Variants in GPC6 observed in about 807,000 individuals in gnomAD.
GPC6 encodes the protein glypican-6.
A neutral mutation model predicts 55.2 loss-of-function variants in GPC6; 14 were observed. The observed-to-expected ratio is 0.25, with a 90% CI of 0.17 to 0.40. The LOEUF (loss-of-function observed/expected upper bound fraction) is 0.40, where lower values mean the gene tolerates loss of function less well. Ranked by LOEUF, GPC6 falls within the 10% of genes least tolerant of loss-of-function variation. GPC6 has a pLI of 1.00. For synonymous variants in GPC6, 278 were observed against 259.6 expected, an observed-to-expected ratio of 1.07 and a Z score of -0.68; for missense variants, 641 against 708.5, an observed-to-expected ratio of 0.90 and a Z score of 1.08.
intron 1 of GPC6, among the ~76,000 whole-genome samples, chr13:93,326,139 T>C (rs1274374588): frequency 6.6e-6 from 1 of 152,002 alleles, no homozygotes; most frequent in Non-Finnish European, 1.5e-5. Context: ...GTGTGTATAG[T>C]TGAGGGGTGG....
intron 4 of GPC6, among the ~76,000 whole-genome samples, chr13:94,228,000 C>A (rs1890610533): frequency 6.6e-6 from 1 of 152,140 alleles, no homozygotes; most frequent in South Asian, 2.1e-4. Context: ...GTGAAGGGAA[C>A]CAGAAATATT....
intron 1 of GPC6, among the ~76,000 whole-genome samples, chr13:93,300,500 T>C (rs1371149862): frequency 1.3e-5 from 2 of 151,656 alleles, no homozygotes; most frequent in African/African-American, 4.8e-5. Context: ...TACAAAAAAT[T>C]AGCCGGGCGT....
At chr13:93,595,545 C>T (rs1223939922) in intron 2 of GPC6, among the ~76,000 whole-genome samples, 4 of 152,140 alleles carry the variant, frequency 2.6e-5, no homozygotes, top group Admixed American at 6.5e-5. Flanking sequence ...GAAGTTTGTA[C>T]TGAATAACTA....
At chr13:93,985,372 G>A (rs935190426) in intron 3 of GPC6, among the ~76,000 whole-genome samples, 1 of 151,336 alleles carries the variant, frequency 6.6e-6, no homozygotes, top group Non-Finnish European at 1.5e-5. Flanking sequence ...AGGAGGTAGA[G>A]GTTGCAGTGA....
intron 4 of GPC6, among the ~76,000 whole-genome samples, chr13:94,219,740 G>A (rs1012311855): frequency 6.6e-6 from 1 of 152,108 alleles, no homozygotes; most frequent in Non-Finnish European, 1.5e-5. Context: ...TTGGGGTCTC[G>A]TTTCGGAAGG....
chr13:94,146,048 T>G (rs572122720), intron 4 of GPC6, among the ~76,000 whole-genome samples: 1 of 152,320 alleles, frequency 6.6e-6, no homozygotes, highest in Non-Finnish European at 1.5e-5. Flanking sequence ...CCAATGACAT[T>G]CATTCAAAAC....
rs1262882126 is a variant in GPC6 at position 93,828,532 on chromosome 13, CCTAT to C, written c.320-1619_320-1616del. Reference sequence around the variant, plus strand: ...TGCTTCTCAATTTTGCAAATTTCGCCCTATCTGCTTCAATAGTCATTTTCTTTAC... The same window carrying C: ...TGCTTCTCAATTTTGCAAATTTCGCCCTGCTTCAATAGTCATTTTCTTTAC... On this transcript the variant is annotated intron_variant, in intron 2 of 8. Coordinates refer to ENST00000377047, the MANE Select transcript of GPC6 (RefSeq NM_005708.5). 2.6e-5 allele frequency among the ~76,000 whole-genome samples: 4 copies of C among 151,896 alleles called. No homozygotes were observed. The East Asian group carries it at 7.7e-4, about 29-fold the overall frequency.
chr13:93,674,770 T>C (rs2149225), intron 2 of GPC6, among the ~76,000 whole-genome samples: 147,712 of 152,242 alleles, frequency 0.97, 71,705 homozygotes, highest in African/African-American at 0.99. Flanking sequence ...CAAGGTGTTT[T>C]AGCTGTGCCT....
At chr13:93,706,771 T>C (rs1882860865) in intron 2 of GPC6, among the ~76,000 whole-genome samples, 1 of 151,810 alleles carries the variant, frequency 6.6e-6, no homozygotes, top group South Asian at 2.1e-4. Flanking sequence ...TATAATTAGG[T>C]TTTAGATATT....
chr13:93,829,769 G>A (rs868090381), intron 2 of GPC6, among the ~76,000 whole-genome samples: 5 of 152,182 alleles, frequency 3.3e-5, no homozygotes, highest in African/African-American at 1.2e-4. Context: ...ATAAACTGAA[G>A]CAAATGTGTT....
chr13:94,276,729 G>A (rs1057176170), intron 4 of GPC6, among the ~76,000 whole-genome samples: 11 of 152,074 alleles, frequency 7.2e-5, no homozygotes, highest in South Asian at 4.1e-4. Flanking sequence ...TGAGGATGAC[G>A]GCTTCCAGTT....
At chr13:94,322,649 T>C (rs76429517) in intron 6 of GPC6, among the ~76,000 whole-genome samples, 12,881 of 152,136 alleles carry the variant, frequency 0.085, 1,854 homozygotes, top group African/African-American at 0.29. Context: ...AAAATAGAAA[T>C]TAAAAAATAA....
intron 2 of GPC6, among the ~76,000 whole-genome samples, chr13:93,688,729 G>A (rs905691506): frequency 1.3e-5 from 2 of 152,032 alleles, no homozygotes; most frequent in East Asian, 1.9e-4. Context: ...CAAATTCGTA[G>A]AGAAAGAAAG....
intron 3 of GPC6, among the ~76,000 whole-genome samples, chr13:94,003,078 G>C (rs1343603210): frequency 6.6e-6 from 1 of 152,170 alleles, no homozygotes; most frequent in Non-Finnish European, 1.5e-5. Context: ...AATGAAAATA[G>C]TCTGAAGGCA....
chr13:94,271,333 C>T (rs1010653030), intron 4 of GPC6, among the ~76,000 whole-genome samples: 1 of 150,208 alleles, frequency 6.7e-6, no homozygotes, highest in Non-Finnish European at 1.5e-5. Context: ...GACGGTGATT[C>T]CCTTGCCTCA....
At chr13:93,983,747 G>C (rs1454853709) in intron 3 of GPC6, among the ~76,000 whole-genome samples, 7 of 150,506 alleles carry the variant, frequency 4.7e-5, no homozygotes, top group Admixed American at 1.3e-4. Context: ...AACATCTCTG[G>C]ATGTTTGTGG....
intron 1 of GPC6, among the ~76,000 whole-genome samples, chr13:93,236,733 C>G (rs1020398354): frequency 1.3e-5 from 2 of 152,076 alleles, no homozygotes; most frequent in African/African-American, 4.8e-5. Flanking sequence ...TTCCCTGGTG[C>G]CAAAAAGGTT....
intron 5 of GPC6, among the ~76,000 whole-genome samples, chr13:94,288,519 C>T (rs1168510803): frequency 6.6e-6 from 1 of 151,488 alleles, no homozygotes; most frequent in East Asian, 1.9e-4. Context: ...TTATCTGGCC[C>T]CTGCCTACCT....
At chr13:94,253,140 A>G (rs1223757012) in intron 4 of GPC6, among the ~76,000 whole-genome samples, 1 of 152,130 alleles carries the variant, frequency 6.6e-6, no homozygotes, top group Non-Finnish European at 1.5e-5. Context: ...ATAATGCATT[A>G]TATCTGCACA....
Sources: allele counts gnomAD v4.1 joint callset (sites outside exome capture counted in the v4.1 genomes callset), GRCh38; gene constraint gnomAD v4.1.1; transcripts MANE v1.5; gene names NCBI Gene and HGNC (gene_info 2026-07-23, HGNC 2026-07-21).